The following PIEZO2 variants were observed in gnomAD, a reference collection of about 807,000 sequenced individuals.
PIEZO2 encodes piezo-type mechanosensitive ion channel component 2.
A neutral mutation model predicts 337.3 loss-of-function variants in PIEZO2; 172 were observed. The ratio of observed to expected loss-of-function variants is 0.51; its 90% CI spans 0.45 to 0.58. The LOEUF (loss-of-function observed/expected upper bound fraction) is 0.58. PIEZO2 is among the 20% of genes least tolerant of loss of function. The pLI, the probability that PIEZO2 is intolerant of heterozygous loss-of-function variation, is 0.00. For synonymous variants in PIEZO2, 1,251 were observed against 1,228.5 expected, an observed-to-expected ratio of 1.02 and a Z score of -0.38; for missense variants, 3,028 against 3,391.3, an observed-to-expected ratio of 0.89 and a Z score of 2.66.
intron 2 of PIEZO2, among the ~76,000 whole-genome samples, chr18:11,023,332 AG>A (rs1219399996): frequency 5.3e-5 from 8 of 152,050 alleles, no homozygotes; most frequent in Admixed American, 5.2e-4. Flanking sequence ...CTAGACACAA[AG>A]GTTCTCCACC....
At chr18:11,081,360 T>C (rs913954465) in intron 1 of PIEZO2, among the ~76,000 whole-genome samples, 6 of 152,168 alleles carry the variant, frequency 3.9e-5, no homozygotes, top group Non-Finnish European at 5.9e-5. Context: ...TGGAAACTTA[T>C]CGCATGAGTC....
At chr18:11,124,565 G>A (rs920671024) in intron 1 of PIEZO2, among the ~76,000 whole-genome samples, 1 of 152,180 alleles carries the variant, frequency 6.6e-6, no homozygotes, top group Non-Finnish European at 1.5e-5. Context: ...TCCCAAACCA[G>A]ATAGTTCCTT....
At chr18:10,755,049 T>A (rs78458618) in intron 27 of PIEZO2, among the ~76,000 whole-genome samples, 10 of 152,270 alleles carry the variant, frequency 6.6e-5, no homozygotes, top group Non-Finnish European at 1.2e-4. Flanking sequence ...TATGCATTGG[T>A]ATATGCCAAG....
chr18:10,883,936 G>A (rs894059835), intron 4 of PIEZO2, among the ~76,000 whole-genome samples: 6 of 150,156 alleles, frequency 4.0e-5, no homozygotes, highest in East Asian at 4.0e-4. Context: ...TCAGCCTCCC[G>A]AGTAGCTGGG....
chr18:10,961,315 G>C (rs1286436104), intron 3 of PIEZO2, among the ~76,000 whole-genome samples: 1 of 152,202 alleles, frequency 6.6e-6, no homozygotes, highest in Non-Finnish European at 1.5e-5. Context: ...GTAAAGAATG[G>C]AAAACCAAAC....
rs79293641 is a variant in PIEZO2 at position 11,083,186 on chromosome 18, G to C, written c.65-16964C>G. 2.6e-3 allele frequency among the ~76,000 whole-genome samples: 398 copies of C among 152,302 alleles called. 5 individuals are homozygous for C. In the East Asian group the frequency reaches 0.043, roughly 17 times the overall value. ...CTGGTATAAAGACAGACTTCTCTTA[G>C]ACAAATGTGAATATGCTGATTTTAC... On this transcript the variant is annotated intron_variant, in intron 1 of 55. Transcript: ENST00000674853. This position sits in a 1 kb window ranked among gnomAD's most constrained non-coding sequence, Gnocchi z 4.4.
rs901846076 is a variant in PIEZO2, at chr18:11,143,465, A to C, written c.64+5060T>G. Among the ~76,000 whole-genome samples the C allele has an allele frequency of 6.6e-6, 1 of 152,228 alleles. No individual in the cohort carries two copies. The highest frequency in any genetic ancestry group is 2.4e-5 in the African/African-American group (1 of 41,466). On this transcript the variant is annotated intron_variant, in intron 1 of 55. Transcript: ENST00000674853. This position sits in a 1 kb window ranked among gnomAD's most constrained non-coding sequence, Gnocchi z 4.9. ...CTGAAAAACAAAAGCAAACGTTAAC[A>C]GTATTGATCTAGTGAGAACAATATG...
chr18:10,718,814 C>G lies in PIEZO2; in HGVS notation c.5030-555G>C, dbSNP rs1375951843. ...ATAGCTTGAGCCCAGGAGTTTGAGA[C>G]CAGCCTGGGCAACATATAGAAAATC... is the stretch of plus-strand genomic sequence containing the variant. On this transcript the variant is annotated intron_variant, in intron 36 of 55. Transcript: ENST00000674853. Among the ~76,000 whole-genome samples, 3 of 151,782 alleles carry G rather than the reference C, an allele frequency of 2.0e-5. No individual in the cohort carries two copies. The East Asian group carries it at 5.8e-4, about 29-fold the overall frequency.
intron 27 of PIEZO2, among the ~76,000 whole-genome samples, chr18:10,753,641 G>A (rs1292313837): frequency 6.6e-6 from 1 of 152,186 alleles, no homozygotes; most frequent in Non-Finnish European, 1.5e-5. Flanking sequence ...CATTTGGGAA[G>A]AAACATAGGA....
chr18:10,971,742 T>C (rs530824868), intron 3 of PIEZO2, among the ~76,000 whole-genome samples: 23 of 152,190 alleles, frequency 1.5e-4, no homozygotes, highest in Non-Finnish European at 2.2e-4. Context: ...TTATGTATCC[T>C]AATCATATCT....
intron 2 of PIEZO2, among the ~76,000 whole-genome samples, chr18:11,062,781 G>A (rs965879184): frequency 6.6e-6 from 1 of 152,188 alleles, no homozygotes; most frequent in Non-Finnish European, 1.5e-5. Flanking sequence ...AGAGGATGTG[G>A]AGAAATAGGA....
In PIEZO2 at chr18:10,673,639, A is replaced by T. The variant is rs2033873337; in HGVS notation, c.8162-766T>A. 6.6e-6 allele frequency among the ~76,000 whole-genome samples: 1 copy of T among 152,194 alleles called. No homozygotes were observed. The highest frequency in any genetic ancestry group is 6.5e-5 in the Admixed American group (1 of 15,280). On this transcript the variant is annotated intron_variant, in intron 54 of 55. Transcript: ENST00000674853. This position sits in a 1 kb window ranked among gnomAD's most constrained non-coding sequence, Gnocchi z 4.8. ...AGGGTGAATGCAAAAGAGTTGTAAAAGATAGGGTAAAAAGCTTGTAGTGAC... is the reference window on the plus strand; with the variant it reads ...AGGGTGAATGCAAAAGAGTTGTAAATGATAGGGTAAAAAGCTTGTAGTGAC...
intron 2 of PIEZO2, among the ~76,000 whole-genome samples, chr18:11,022,868 C>T (rs139585847): frequency 0.012 from 1,881 of 152,110 alleles, 40 homozygotes; most frequent in African/African-American, 0.041. Flanking sequence ...GCGGTGTGTC[C>T]GGAGTTTGTT....
chr18:10,735,572 G>A (rs2036963695), intron 34 of PIEZO2, among the ~76,000 whole-genome samples: 1 of 152,170 alleles, frequency 6.6e-6, no homozygotes, highest in Admixed American at 6.5e-5. Context: ...GCTGCACGAT[G>A]AGTGGTGGTT....
chr18:10,788,846 A>C (rs1369813236), intron 15 of PIEZO2, among the ~76,000 whole-genome samples: 3 of 152,212 alleles, frequency 2.0e-5, no homozygotes, highest in Non-Finnish European at 4.4e-5. Context: ...TTGCCTCCCA[A>C]AGTGCTGAAA....
intron 14 of PIEZO2, 136 bp downstream of exon 14, chr18:10,791,065 G>T: frequency 9.6e-7 from 1 of 1,038,026 alleles, no homozygotes; most frequent in Non-Finnish European, 1.3e-6. Flanking sequence ...GTCACACGCT[G>T]TAATAACGTT....
chr18:10,946,281 C>A (rs188789419), intron 3 of PIEZO2, among the ~76,000 whole-genome samples: 1 of 152,228 alleles, frequency 6.6e-6, no homozygotes, highest in Non-Finnish European at 1.5e-5. Flanking sequence ...GATTTTGTAT[C>A]AGAACCAATG....
In PIEZO2 at chr18:10,954,442, T is replaced by C. The variant is rs1274010860; in HGVS notation, c.286+25093A>G. 1.3e-5 allele frequency among the ~76,000 whole-genome samples: 2 copies of C among 152,382 alleles called. No homozygotes were observed. Among genetic ancestry groups the C allele is most frequent in the Admixed American group, 1.3e-4 (2 of 15,306 alleles). ...ACATAACATTTTGTTAAAAAAGCTA[T>C]TTCCAATTGTTGATTGCCAATATGT... On this transcript the variant is annotated intron_variant, in intron 3 of 55. Transcript: ENST00000674853. The surrounding 1 kb of genome is among the most constrained non-coding windows in gnomAD (Gnocchi z 4.2).
chr18:10,791,374 TA>T (rs1316659879), intron 13 of PIEZO2, 50 bp from the exon 14 acceptor site: 2 of 1,436,656 alleles, frequency 1.4e-6, no homozygotes, highest in Non-Finnish European at 1.8e-6. Context: ...ATTTGGAATG[TA>T]AAAACATTCA....
Sources: gnomAD v4.1 joint callset for allele counts (sites outside exome capture counted in the v4.1 genomes callset) on GRCh38, gnomAD v4.1.1 for gene constraint, Gnocchi (gnomAD v3.1) non-coding constraint, MANE v1.5 for transcripts, NCBI Gene and HGNC (gene_info 2026-07-23, HGNC 2026-07-21) for gene names.